The following ANKRD28 variants were observed in gnomAD, a reference collection of about 807,000 sequenced individuals.
ANKRD28 encodes ankyrin repeat domain 28.
Under a neutral mutation model 126.5 loss-of-function variants are expected in ANKRD28, and 44 were observed. The observed-to-expected ratio is 0.35, with a 90% CI of 0.27 to 0.45. The LOEUF is 0.45. Among genes scored for constraint, ANKRD28 ranks in the 20% least tolerant of loss-of-function variants. The pLI is 1.00. For synonymous variants in ANKRD28, 442 were observed against 468.5 expected, an observed-to-expected ratio of 0.94 and a Z score of 0.73; for missense variants, 1,110 against 1,316.6, an observed-to-expected ratio of 0.84 and a Z score of 2.43.
Position 15,806,584 on chromosome 3 carries a change from C to G in ANKRD28, c.28-11278G>C, listed in dbSNP as rs143309111. Among the ~76,000 whole-genome samples, 738 of 152,010 alleles carry G rather than the reference C, an allele frequency of 4.9e-3. 5 individuals are homozygous for G. The highest frequency in any genetic ancestry group is 0.016 in the African/African-American group (652 of 41,460). On this transcript the variant is annotated intron_variant, in intron 1 of 27. Coordinates refer to the ANKRD28 transcript ENST00000399451. ...TCACCCAGGCTGGAGTGCAGTGGCA[C>G]AATCCCAGCTCACTGCAACCTCCAC... is the stretch of plus-strand genomic sequence containing the variant.
Position 15,855,554 on chromosome 3 carries a change from G to C in ANKRD28, c.27+3823C>G, listed in dbSNP as rs1260206585. On this transcript the variant is annotated intron_variant, in intron 1 of 27. Coordinates refer to the ANKRD28 transcript ENST00000399451. ...ACACATATGCATACCACGGAAGGCA[G>C]TGAGATGACCTGAGTACAGGAACTT... Among the ~76,000 whole-genome samples the C allele has an allele frequency of 3.9e-5, 6 of 152,340 alleles. No individual in the cohort carries two copies. In the East Asian group the frequency reaches 1.2e-3, roughly 29 times the overall value.
intron 2 of ANKRD28, among the ~76,000 whole-genome samples, chr3:15,783,765 T>C (rs1315675482): frequency 6.6e-6 from 1 of 151,836 alleles, no homozygotes; most frequent in African/African-American, 2.4e-5. Flanking sequence ...GCAGAAGAAA[T>C]ATTTGAAGTA....
In ANKRD28 at chr3:15,728,327, C is replaced by T. The variant is rs141217536; in HGVS notation, c.641-3803G>A. On this transcript the variant is annotated intron_variant, in intron 6 of 27. Coordinates refer to ENST00000683139, the MANE Select transcript of ANKRD28 (RefSeq NM_001349278.2). ...AATTATTTTTAGAAACGGGGTCTTGCTCTGTCACCCTGGCTGAAATGCAGT... is the reference window on the plus strand; with the variant it reads ...AATTATTTTTAGAAACGGGGTCTTGTTCTGTCACCCTGGCTGAAATGCAGT... Among the ~76,000 whole-genome samples, 3 of 152,296 alleles carry T rather than the reference C, an allele frequency of 2.0e-5. No homozygotes were observed. In the East Asian group the frequency reaches 5.8e-4, roughly 29 times the overall value.
rs752364411 is a variant in ANKRD28 at position 15,845,020 on chromosome 3, G to A, written c.27+14357C>T. Among the ~76,000 whole-genome samples, 188 of 152,080 alleles carry A rather than the reference G, an allele frequency of 1.2e-3. 4 individuals carry two copies. Among genetic ancestry groups the A allele is most frequent in the Non-Finnish European group, 4.3e-4 (29 of 68,020 alleles). The stretch of plus-strand genomic sequence containing the variant: ...CATATCTTACATGGCTGGAGCAGGA[G>A]CAAAATGGGGACACGGGGGTGCTAG... On this transcript the variant is annotated intron_variant, in intron 1 of 27. Transcript: ENST00000399451. The surrounding 1 kb of genome is among the most constrained non-coding windows in gnomAD (Gnocchi z 4.9).
chr3:15,783,438 T>A (rs1184545881), intron 2 of ANKRD28, among the ~76,000 whole-genome samples: 1 of 152,016 alleles, frequency 6.6e-6, no homozygotes, highest in African/African-American at 2.4e-5. Context: ...CGTAAAATGA[T>A]ACAATCAGTT....
rs2066089062 is a variant in ANKRD28, at chr3:15,668,395, C to T, written c.*1875G>A. ...AAAAGGTACAATAGAAAATGTAGTCCACTGTCATTAAAATGCATATTCACC... is the reference window on the plus strand; with the variant it reads ...AAAAGGTACAATAGAAAATGTAGTCTACTGTCATTAAAATGCATATTCACC... On this transcript the variant is annotated 3_prime_UTR_variant, in exon 28 of 28. Coordinates refer to ENST00000683139, the MANE Select transcript of ANKRD28 (RefSeq NM_001349278.2). 6.6e-6 allele frequency: 1 copy of T among 151,762 alleles called. No individual in the cohort carries two copies. The allele number at this position is 151,762 out of a possible 1,614,324, so 9.4% of individuals were successfully genotyped here. A position where few individuals can be genotyped will look rare whatever the true frequency, so the allele number is the denominator to read the frequency against.
intron 1 of ANKRD28, among the ~76,000 whole-genome samples, chr3:15,819,171 G>C (rs2060891445): frequency 6.6e-6 from 1 of 152,142 alleles, no homozygotes; most frequent in African/African-American, 2.4e-5. Context: ...CCAGCTACTT[G>C]GGAGGCTGAG....
chr3:15,709,730 C>A lies in ANKRD28; in HGVS notation c.1344G>T (p.Leu448Phe). The change falls in exon 13 of 28, where the codon TTG becomes TTT. Residue 448 changes from leucine (L) to phenylalanine (F), a missense_variant. Physicochemically the swap from Leu to Phe is conservative, Grantham distance 22. Coordinates refer to ENST00000683139, the MANE Select transcript of ANKRD28 (RefSeq NM_001349278.2). Reference protein sequence around the residue: ...CLHAAAAGGNLECLNLLLNTG... With the variant: ...CLHAAAAGGNFECLNLLLNTG... ...TATTCAGCAGAAGGTTTAGGCACTCCAAATTCCTATTGAGAGAAAATACAG... is the reference window on the plus strand; with the variant it reads ...TATTCAGCAGAAGGTTTAGGCACTCAAAATTCCTATTGAGAGAAAATACAG... 1 of 1,561,460 alleles carries A rather than the reference C, an allele frequency of 6.4e-7. No homozygotes were observed. The highest frequency in any genetic ancestry group is 2.3e-5 in the East Asian group (1 of 42,980).
chr3:15,857,807 G>C (rs1316859982), intron 1 of ANKRD28, among the ~76,000 whole-genome samples: 3 of 152,174 alleles, frequency 2.0e-5, no homozygotes, highest in Admixed American at 1.3e-4. Context: ...AATGCACATA[G>C]TAATCTAAAT....
intron 4 of ANKRD28, among the ~76,000 whole-genome samples, chr3:15,743,029 T>G (rs1368902091): frequency 6.6e-6 from 1 of 152,126 alleles, no homozygotes; most frequent in African/African-American, 2.4e-5. Context: ...TGTTCTGTAC[T>G]AAGAAAAATT....
chr3:15,713,412 T>A, intron 10 of ANKRD28, 115 bp downstream of exon 10: 1 of 753,414 alleles, frequency 1.3e-6, no homozygotes, highest in Non-Finnish European at 2.2e-6. Context: ...GTTCAAGCAA[T>A]TAATACAACA....
intron 3 of ANKRD28, chr3:15,756,421 A>C (rs2058159336): frequency 1.2e-6 from 1 of 822,418 alleles, no homozygotes. Context: ...TCTAGAATTA[A>C]ATGTCTAGCT....
At chr3:15,672,701 C>A (rs890103450) in intron 27 of ANKRD28, among the ~76,000 whole-genome samples, 1 of 152,086 alleles carries the variant, frequency 6.6e-6, no homozygotes, top group Non-Finnish European at 1.5e-5. Flanking sequence ...TGGATGAGAG[C>A]GGGAGTGGGG....
chr3:15,758,767 C>G (rs557730008), intron 3 of ANKRD28, among the ~76,000 whole-genome samples: 3 of 152,268 alleles, frequency 2.0e-5, no homozygotes, highest in African/African-American at 7.2e-5. Context: ...GTTTGTAGTA[C>G]TTTGTTACAG....
chr3:15,735,894 G>C (rs1314459307), intron 5 of ANKRD28, among the ~76,000 whole-genome samples: 5 of 152,168 alleles, frequency 3.3e-5, no homozygotes, highest in African/African-American at 1.2e-4. Flanking sequence ...AGTGCCTACA[G>C]TATAATTATA....
At chr3:15,763,598 CTTG>C (rs2058599582) in intron 3 of ANKRD28, among the ~76,000 whole-genome samples, 1 of 152,150 alleles carries the variant, frequency 6.6e-6, no homozygotes, top group African/African-American at 2.4e-5. Context: ...CAAGGAAGAT[CTTG>C]TTGATGATGC....
intron 9 of ANKRD28, 67 bp from the exon 10 acceptor site, chr3:15,713,708 A>T: frequency 9.9e-7 from 1 of 1,007,804 alleles, no homozygotes; most frequent in Non-Finnish European, 1.4e-6. Context: ...ACTACATGAA[A>T]AGTAATAAAA....
rs568599352 is a variant in ANKRD28, at chr3:15,845,581, G to T, written c.27+13796C>A. Among the ~76,000 whole-genome samples the T allele has an allele frequency of 6.6e-6, 1 of 152,230 alleles. No homozygotes were observed. The highest frequency in any genetic ancestry group is 2.4e-5 in the African/African-American group (1 of 41,534). On this transcript the variant is annotated intron_variant, in intron 1 of 27. Transcript: ENST00000399451. This position sits in a 1 kb window ranked among gnomAD's most constrained non-coding sequence, Gnocchi z 4.9. ...TAATACCACACTTGCTATTCTATCTGGTTTCAACTCCACTGCTCACTCTGA... is the reference window on the plus strand; with the variant it reads ...TAATACCACACTTGCTATTCTATCTTGTTTCAACTCCACTGCTCACTCTGA...
At chr3:15,856,122 C>T (rs144331493) in intron 1 of ANKRD28, among the ~76,000 whole-genome samples, 65 of 152,154 alleles carry the variant, frequency 4.3e-4, no homozygotes, top group African/African-American at 1.5e-3. Context: ...CGGTAGCTAC[C>T]GACTTGCCAA....
Sources: allele counts gnomAD v4.1 joint callset (sites outside exome capture counted in the v4.1 genomes callset), GRCh38; gene constraint gnomAD v4.1.1; non-coding constraint Gnocchi (gnomAD v3.1); transcripts MANE v1.5; gene names NCBI Gene and HGNC (gene_info 2026-07-23, HGNC 2026-07-21).